The following RANBP3 variants were observed in gnomAD, a reference collection of about 807,000 sequenced individuals.
RANBP3 encodes ran-binding protein 3.
Under a neutral mutation model 77.3 loss-of-function variants are expected in RANBP3, and 14 were observed. The ratio of observed to expected loss-of-function variants is 0.18; its 90% CI spans 0.12 to 0.28. The LOEUF (loss-of-function observed/expected upper bound fraction) is 0.28, where lower values mean the gene tolerates loss of function less well. Among genes scored for constraint, RANBP3 ranks in the 10% least tolerant of loss-of-function variants. RANBP3 has a pLI of 1.00. For missense variants in RANBP3, 586 were observed against 752.3 expected (o/e 0.78, Z 2.59); for synonymous variants, 315 against 312.4 (o/e 1.01, Z -0.09).
At chr19:5,972,021 T>C (rs991172923) in intron 1 of RANBP3, among the ~76,000 whole-genome samples, 6 of 152,240 alleles carry the variant, frequency 3.9e-5, no homozygotes, top group African/African-American at 9.6e-5. Context: ...ACAATTTTTT[T>C]CCCCTCTGAA....
intron 1 of RANBP3, among the ~76,000 whole-genome samples, chr19:5,965,258 C>A (rs2058453491): frequency 6.7e-6 from 1 of 150,256 alleles, no homozygotes; most frequent in East Asian, 1.9e-4. Flanking sequence ...ATGAAGTCAC[C>A]TCTGTAATTT....
chr19:5,951,258 C>T, intron 3 of RANBP3, 135 bp downstream of exon 3: 1 of 862,826 alleles, frequency 1.2e-6, no homozygotes, highest in Non-Finnish European at 1.9e-6. Flanking sequence ...TGGAAGAAAT[C>T]CTTGTCATCT....
chr19:5,954,429 T>C (rs1385808163), intron 2 of RANBP3, among the ~76,000 whole-genome samples: 1 of 152,146 alleles, frequency 6.6e-6, no homozygotes, highest in Non-Finnish European at 1.5e-5. Context: ...GGTAAGGCCA[T>C]GCAGGAGAAT....
At chr19:5,946,957 T>TG (rs2058212898) in intron 3 of RANBP3, among the ~76,000 whole-genome samples, 1 of 152,110 alleles carries the variant, frequency 6.6e-6, no homozygotes, top group African/African-American at 2.4e-5. Context: ...TCCCGAACAA[T>TG]GCCTGGGACA....
chr19:5,932,666 C>CT lies in RANBP3; in HGVS notation c.473-123dup, dbSNP rs574138696. 8.5e-4 allele frequency: 592 copies of CT among 693,934 alleles called. 25 individuals are homozygous for CT. The Admixed American group carries it at 0.017, about 20-fold the overall frequency. 43.0% of individuals were successfully genotyped at this position (693,934 alleles called of 1,614,324 possible). A position where few individuals can be genotyped will look rare whatever the true frequency, so the allele number is the denominator to read the frequency against. Reference sequence around the variant, plus strand: ...GCAGGCTAGACTTTGCAGGGAAGCACTTTTTTAAAAACTTGAGGTCTTTTT... The same window carrying CT: ...GCAGGCTAGACTTTGCAGGGAAGCACTTTTTTTAAAAACTTGAGGTCTTTTT... On this transcript the variant is annotated intron_variant, in intron 6 of 16. Transcript: ENST00000340578.
chr19:5,948,975 TAG>T, intron 3 of RANBP3, among the ~76,000 whole-genome samples: 1 of 152,320 alleles, frequency 6.6e-6, no homozygotes, highest in Non-Finnish European at 1.5e-5. Context: ...GTCTGATATA[TAG>T]AGACTTTTTC....
At chr19:5,951,629 T>A in intron 2 of RANBP3, 33 bp from the exon 3 acceptor site, 1 of 1,585,324 alleles carries the variant, frequency 6.3e-7, no homozygotes, top group Non-Finnish European at 8.6e-7. Flanking sequence ...TCCTTCAATG[T>A]GAATAAAGGC....
At chr19:5,971,500 G>C (rs1189147196) in intron 1 of RANBP3, among the ~76,000 whole-genome samples, 4 of 152,068 alleles carry the variant, frequency 2.6e-5, no homozygotes, top group Non-Finnish European at 4.4e-5. Flanking sequence ...TCATCTGTTG[G>C]CATATCACAC....
chr19:5,950,266 C>A (rs910462644), intron 3 of RANBP3, among the ~76,000 whole-genome samples: 4 of 152,176 alleles, frequency 2.6e-5, no homozygotes, highest in Non-Finnish European at 5.9e-5. Flanking sequence ...CTCCTTCCCG[C>A]GGCTCCCGTG....
chr19:5,918,106 A>G (rs1382141914), intron 15 of RANBP3, 126 bp from the exon 16 acceptor site: 3 of 1,120,514 alleles, frequency 2.7e-6, no homozygotes, highest in African/African-American at 3.1e-5. Flanking sequence ...TGGGGAGGCC[A>G]TTGGCCCTGG....
At chr19:5,973,948 C>T (rs1277382004) in intron 1 of RANBP3, among the ~76,000 whole-genome samples, 1 of 152,174 alleles carries the variant, frequency 6.6e-6, no homozygotes, top group Non-Finnish European at 1.5e-5. Context: ...AAAACACAAA[C>T]CCAGCTCTCT....
In RANBP3 at chr19:5,917,598, GGCTCCCGGCCGCTATGT is replaced by G; in HGVS notation, c.1699_*11del. The G allele has an allele frequency of 6.3e-7, 1 of 1,590,700 alleles. No individual in the cohort carries two copies. The highest frequency in any genetic ancestry group is 8.5e-7 in the Non-Finnish European group (1 of 1,172,794). ...AAAGCAGCAGCCTGGTGTGCAGCCG[GGCTCCCGGCCGCTATGT>G]GCTCCCGGTCGTCTGCCCGTCCCCT... On this transcript the variant is annotated stop_lost and 3_prime_UTR_variant, in exon 17 of 17. Transcript: ENST00000340578.
chr19:5,933,004 C>G (rs2145091271), intron 6 of RANBP3: 1 of 251,106 alleles, frequency 4.0e-6, no homozygotes, highest in Middle Eastern at 1.3e-3. Context: ...CCCTGTGCAG[C>G]ATCCCCGGCA....
chr19:5,917,963 T>A lies in RANBP3; in HGVS notation c.1491A>T (p.Thr497=). The A allele has an allele frequency of 6.3e-7, 1 of 1,597,390 alleles. No homozygotes were observed. The highest frequency in any genetic ancestry group is 8.6e-7 in the Non-Finnish European group (1 of 1,168,920). The change falls in exon 16 of 17, where the codon ACA becomes ACT. Residue 497 remains threonine, a synonymous_variant. Transcript: ENST00000340578. The part of the protein sequence containing the change: ...VFLISASSKD[T]GQLYAALHHR... Reference sequence around the variant, plus strand: ...GGTGCAGGGCTGCATACAACTGACCTGTGTCCTTGGAGCTGGCCTGGGAAG... The same window carrying A: ...GGTGCAGGGCTGCATACAACTGACCAGTGTCCTTGGAGCTGGCCTGGGAAG...
At chr19:5,950,258 CCTTCCCG>C (rs2058258638) in intron 3 of RANBP3, among the ~76,000 whole-genome samples, 1 of 152,164 alleles carries the variant, frequency 6.6e-6, no homozygotes, top group Non-Finnish European at 1.5e-5. Context: ...TGGCTGGACT[CCTTCCCG>C]CGGCTCCCGT....
rs913159334 is a variant in RANBP3 at position 5,921,315 on chromosome 19, A to T, written c.1216T>A (p.Cys406Ser). 1.7e-5 allele frequency: 28 copies of T among 1,613,280 alleles called. No individual in the cohort carries two copies. The highest frequency in any genetic ancestry group is 2.7e-5 in the African/African-American group (2 of 74,850). Residue 406 changes from cysteine (C) to serine (S), a missense_variant, in exon 14 of 17, where the codon TGC (cysteine) becomes AGC (serine). Cys to Ser is a moderately radical substitution (Grantham distance 112). Transcript: ENST00000340578. The surrounding 1 kb of genome is among the most constrained non-coding windows in gnomAD (Gnocchi z 5.3). ...EAESNVLQMQ[C>S]KLFVFDKTSQ... ...GTCTTGTCAAAGACAAACAGCTTGC[A>T]CTGCATCTGGAACACAGTGGCCGCC...
At chr19:5,976,491 A>C (rs2058592424) in intron 1 of RANBP3, 1 of 152,246 alleles carries the variant, frequency 6.6e-6, no homozygotes, top group Admixed American at 6.5e-5. Flanking sequence ...CACGCCTGTA[A>C]TCCCAGCACT....
chr19:5,961,498 C>T (rs1599785850), intron 1 of RANBP3, among the ~76,000 whole-genome samples: 2 of 151,958 alleles, frequency 1.3e-5, no homozygotes, highest in Admixed American at 6.6e-5. Context: ...TTTGGGAGGC[C>T]GAGGCGGGAG....
At chr19:5,947,328 AGAAAG>A (rs1353364437) in intron 3 of RANBP3, among the ~76,000 whole-genome samples, 4 of 151,020 alleles carry the variant, frequency 2.6e-5, no homozygotes, top group Non-Finnish European at 5.9e-5. Flanking sequence ...AAAAAAAAAA[AGAAAG>A]AAAAGAAAAG....
Sources: allele counts gnomAD v4.1 joint callset (sites outside exome capture counted in the v4.1 genomes callset), GRCh38; gene constraint gnomAD v4.1.1; non-coding constraint Gnocchi (gnomAD v3.1); transcripts MANE v1.5; gene names NCBI Gene and HGNC (gene_info 2026-07-23, HGNC 2026-07-21).